The following CNTNAP2 variants were observed in gnomAD, a reference collection of about 807,000 sequenced individuals.
CNTNAP2 encodes the protein contactin-associated protein-like 2.
A neutral mutation model predicts 155.2 loss-of-function variants in CNTNAP2; 98 were observed. The ratio of observed to expected loss-of-function variants is 0.63; its 90% CI spans 0.54 to 0.75. The LOEUF is 0.75. Ranked by LOEUF, CNTNAP2 falls within the 30% of genes least tolerant of loss-of-function variation. The pLI is 0.00. For missense variants in CNTNAP2, 1,727 were observed against 1,688.1 expected (o/e 1.02, Z -0.40); for synonymous variants, 651 against 631.2 (o/e 1.03, Z -0.47).
In CNTNAP2 at chr7:148,301,304, A is replaced by AGT. The variant is rs533956682; in HGVS notation, c.3475+34178_3475+34179insGT. On this transcript the variant is annotated intron_variant, in intron 21 of 23. Transcript: ENST00000361727. ...GCGAGACTCCGTCTAAAAAAAAAAAAAAATATATATATATATATAGGTTAA... is the reference window on the plus strand; with the variant it reads ...GCGAGACTCCGTCTAAAAAAAAAAAAGTAAATATATATATATATATAGGTTAA... Among the ~76,000 whole-genome samples, 3 of 30,264 alleles carry AGT rather than the reference A, an allele frequency of 9.9e-5. 1 individual carries two copies. Among genetic ancestry groups the AGT allele is most frequent in the Non-Finnish European group, 3.3e-4 (3 of 8,998 alleles). 19.9% of individuals were successfully genotyped at this position (30,264 alleles called of 152,430 possible).
chr7:147,661,015 C>G, intron 13 of CNTNAP2, among the ~76,000 whole-genome samples: 1 of 152,046 alleles, frequency 6.6e-6, no homozygotes, highest in East Asian at 1.9e-4. Flanking sequence ...TTACTTATAC[C>G]CAGACTTCTG....
intron 1 of CNTNAP2, among the ~76,000 whole-genome samples, chr7:146,631,960 A>G (rs1478254236): frequency 7.2e-6 from 1 of 138,844 alleles, no homozygotes; most frequent in Non-Finnish European, 1.6e-5. Flanking sequence ...TTTTTAAGAT[A>G]AAAATTGATT....
intron 21 of CNTNAP2, among the ~76,000 whole-genome samples, chr7:148,366,399 T>C (rs1282710984): frequency 1.3e-5 from 2 of 152,136 alleles, no homozygotes; most frequent in East Asian, 1.9e-4. Flanking sequence ...AGAAACTCTT[T>C]TTCACTATTG....
At chr7:146,859,201 A>T (rs182326770) in intron 3 of CNTNAP2, among the ~76,000 whole-genome samples, 10 of 152,324 alleles carry the variant, frequency 6.6e-5, no homozygotes, top group Non-Finnish European at 1.3e-4. Flanking sequence ...GTCAAATCTT[A>T]AAAGAAGAGC....
intron 21 of CNTNAP2, among the ~76,000 whole-genome samples, chr7:148,371,062 G>A (rs990602170): frequency 7.9e-5 from 12 of 152,036 alleles, no homozygotes; most frequent in African/African-American, 2.9e-4. Context: ...CCACCCCAGG[G>A]GATGGTCTCA....
chr7:146,964,627 G>T (rs1797620486), intron 3 of CNTNAP2, among the ~76,000 whole-genome samples: 1 of 152,204 alleles, frequency 6.6e-6, no homozygotes. Context: ...TTTTCCATGA[G>T]TGTAGAAATA....
chr7:146,261,586 A>G (rs745990121), intron 1 of CNTNAP2, among the ~76,000 whole-genome samples: 8 of 152,042 alleles, frequency 5.3e-5, no homozygotes, highest in Non-Finnish European at 1.0e-4. Flanking sequence ...TTCCCAAACT[A>G]GCTACTACAT....
rs531362903 is a variant in CNTNAP2, at chr7:147,680,444, C to A, written c.2098+41138C>A. Among the ~76,000 whole-genome samples, 8 of 151,978 alleles carry A rather than the reference C, an allele frequency of 5.3e-5. No homozygotes were observed. The East Asian group carries it at 1.6e-3, about 29-fold the overall frequency. On this transcript the variant is annotated intron_variant, in intron 13 of 23. Transcript: ENST00000361727. ...GATGGTATTTAAAATATTCAGCCAACAATATGTCCTGGGCATGGACCAGAA... is the reference window on the plus strand; with the variant it reads ...GATGGTATTTAAAATATTCAGCCAAAAATATGTCCTGGGCATGGACCAGAA...
chr7:148,161,037 CA>C (rs1326483146), intron 17 of CNTNAP2, among the ~76,000 whole-genome samples: 2 of 152,184 alleles, frequency 1.3e-5, no homozygotes, highest in African/African-American at 4.8e-5. Context: ...AAATGTTCAT[CA>C]GCTTTATCCG....
chr7:146,119,210 A>G (rs536549899), intron 1 of CNTNAP2, among the ~76,000 whole-genome samples: 15 of 152,198 alleles, frequency 9.9e-5, no homozygotes, highest in African/African-American at 3.6e-4. Flanking sequence ...TGAAAATCTA[A>G]AACTATCATT....
At chr7:146,619,827 A>G (rs1799288580) in intron 1 of CNTNAP2, among the ~76,000 whole-genome samples, 1 of 152,144 alleles carries the variant, frequency 6.6e-6, no homozygotes, top group African/African-American at 2.4e-5. Context: ...TTCTCCATTC[A>G]CTGCCAACAT....
intron 13 of CNTNAP2, among the ~76,000 whole-genome samples, chr7:147,743,772 A>G (rs531585115): frequency 6.6e-6 from 1 of 151,376 alleles, no homozygotes; most frequent in South Asian, 2.1e-4. Context: ...ACTGCCAGCC[A>G]TCTCTTCAGT....
chr7:147,736,617 T>TGGAACTTGG (rs1158023428), intron 13 of CNTNAP2, among the ~76,000 whole-genome samples: 163 of 152,332 alleles, frequency 1.1e-3, no homozygotes, highest in African/African-American at 3.7e-3. Flanking sequence ...TGCAGAGTGT[T>TGGAACTTGG]TTCCAACTTG....
At chr7:147,850,035 G>A (rs923516738) in intron 13 of CNTNAP2, 3 of 152,176 alleles carry the variant, frequency 2.0e-5, no homozygotes, top group African/African-American at 7.2e-5. Context: ...TTAATTATAT[G>A]TATTACTGGG....
chr7:146,303,078 G>A (rs1584857664), intron 1 of CNTNAP2, among the ~76,000 whole-genome samples: 2 of 106,050 alleles, frequency 1.9e-5, no homozygotes, highest in South Asian at 5.4e-4. Context: ...GTGCATGTGT[G>A]TGTGTGTGTG....
intron 19 of CNTNAP2, among the ~76,000 whole-genome samples, chr7:148,226,559 A>G (rs1277104748): frequency 1.3e-5 from 2 of 152,246 alleles, no homozygotes; most frequent in Admixed American, 6.5e-5. Flanking sequence ...AGCGGGCCCA[A>G]GCATGCACAC....
intron 1 of CNTNAP2, among the ~76,000 whole-genome samples, chr7:146,712,518 A>G (rs1431013143): frequency 1.3e-5 from 2 of 150,942 alleles, no homozygotes; most frequent in African/African-American, 4.8e-5. Context: ...AAGCAGTGAA[A>G]ACAGTTGAAA....
At chr7:148,257,903 G>T (rs1177943855) in intron 20 of CNTNAP2, among the ~76,000 whole-genome samples, 1 of 146,572 alleles carries the variant, frequency 6.8e-6, no homozygotes, top group Non-Finnish European at 1.5e-5. Flanking sequence ...GGAAGTAAAA[G>T]CTAGGAATCC....
intron 11 of CNTNAP2, among the ~76,000 whole-genome samples, chr7:147,497,383 T>C (rs901976540): frequency 1.3e-4 from 20 of 152,126 alleles, no homozygotes; most frequent in Non-Finnish European, 2.4e-4. Flanking sequence ...AACTACAGAA[T>C]TGCTGTCATT....
Sources: allele counts gnomAD v4.1 joint callset (sites outside exome capture counted in the v4.1 genomes callset), GRCh38; gene constraint gnomAD v4.1.1; transcripts MANE v1.5; gene names NCBI Gene and HGNC (gene_info 2026-07-23, HGNC 2026-07-21).